The following FIRRM variants were observed in gnomAD, a reference collection of about 807,000 sequenced individuals.
The protein encoded by FIRRM is FIGNL1 interacting regulator of recombination and mitosis.
chr1:169,819,324 C>T, the FIRRM span, among the ~76,000 whole-genome samples: 1 of 152,194 alleles, frequency 6.6e-6, no homozygotes, highest in South Asian at 2.1e-4. Context: ...TCTAAGTGGC[C>T]AAGAGCATGC....
At chr1:169,810,158 C>G in the FIRRM span, among the ~76,000 whole-genome samples, 3 of 152,166 alleles carry the variant, frequency 2.0e-5, no homozygotes, top group South Asian at 6.2e-4. Flanking sequence ...ATGACTTAAT[C>G]ACTTCCCCAA....
At chr1:169,831,429 T>A in the FIRRM span, among the ~76,000 whole-genome samples, 1 of 152,214 alleles carries the variant, frequency 6.6e-6, no homozygotes, top group Non-Finnish European at 1.5e-5. Flanking sequence ...TTTCTTGGTT[T>A]ACCTTTAAAG....
At chr1:169,803,200 G>A in the FIRRM span, 1 of 1,613,932 alleles carries the variant, frequency 6.2e-7, no homozygotes, top group East Asian at 2.2e-5. Flanking sequence ...GCTCTCACAG[G>A]ATGTGTTCAG....
At chr1:169,789,052 G>C in the FIRRM span, among the ~76,000 whole-genome samples, 3 of 152,162 alleles carry the variant, frequency 2.0e-5, no homozygotes, top group Non-Finnish European at 2.9e-5. Flanking sequence ...TGCAGTAGAG[G>C]AGTCTTACAA....
At chr1:169,809,908 A>G in the FIRRM span, among the ~76,000 whole-genome samples, 3 of 152,208 alleles carry the variant, frequency 2.0e-5, no homozygotes, top group Non-Finnish European at 4.4e-5. Context: ...TTAGGCTGCT[A>G]TAACAAAATC....
At chr1:169,853,148 T>C in the FIRRM span, 2 of 723,260 alleles carry the variant, frequency 2.8e-6, no homozygotes, top group Non-Finnish European at 4.5e-6. Flanking sequence ...AATATTCTTA[T>C]TAAGAACTTT....
chr1:169,828,881 C>A, the FIRRM span, among the ~76,000 whole-genome samples: 2 of 150,960 alleles, frequency 1.3e-5, no homozygotes, highest in East Asian at 3.9e-4. Context: ...TGTTTAAATC[C>A]TCTAAGTTTC....
the FIRRM span, chr1:169,823,270 AAAAG>A: frequency 8.1e-6 from 4 of 495,982 alleles, no homozygotes; most frequent in South Asian, 7.0e-5. Context: ...AAAAGAAAAG[AAAAG>A]AAAGAAAAAC....
At chr1:169,850,461 C>T in the FIRRM span, 1 of 707,010 alleles carries the variant, frequency 1.4e-6, no homozygotes, top group Non-Finnish European at 2.4e-6. Context: ...CAGTGCTGAG[C>T]ACAGTGCTGA....
At chr1:169,804,128 G>C in the FIRRM span, 1 of 1,580,586 alleles carries the variant, frequency 6.3e-7, no homozygotes. Context: ...ACCTTCTCCA[G>C]GCTCTTTTCA....
chr1:169,830,046 T>G, the FIRRM span, among the ~76,000 whole-genome samples: 1 of 152,142 alleles, frequency 6.6e-6, no homozygotes, highest in African/African-American at 2.4e-5. Context: ...GAACTCTCCA[T>G]AGCACAGCAC....
the FIRRM span, chr1:169,823,509 A>G: frequency 3.7e-6 from 5 of 1,365,172 alleles, no homozygotes; most frequent in African/African-American, 1.4e-5. Context: ...AGATACAACA[A>G]TGCCATCTGT....
At chr1:169,794,380 AC>A in the FIRRM span, among the ~76,000 whole-genome samples, 1 of 152,088 alleles carries the variant, frequency 6.6e-6, no homozygotes, top group Non-Finnish European at 1.5e-5. Flanking sequence ...CCAAGACTTC[AC>A]TCCAAACATT....
the FIRRM span, among the ~76,000 whole-genome samples, chr1:169,829,020 A>G: frequency 2.0e-5 from 3 of 152,226 alleles, no homozygotes; most frequent in East Asian, 3.8e-4. Context: ...ACTCAGTACC[A>G]AGATAAACAG....
chr1:169,793,574 C>T, the FIRRM span: 1 of 1,614,182 alleles, frequency 6.2e-7, no homozygotes, highest in Non-Finnish European at 8.5e-7. Context: ...CCTCTCTTCT[C>T]CTTTTTGACT....
the FIRRM span, chr1:169,793,276 G>A: frequency 1.2e-6 from 2 of 1,614,082 alleles, no homozygotes; most frequent in South Asian, 2.2e-5. Flanking sequence ...CTCCAGGGAA[G>A]TTCTCTTTCA....
chr1:169,793,342 T>A, the FIRRM span: 1 of 1,614,248 alleles, frequency 6.2e-7, no homozygotes, highest in Non-Finnish European at 8.5e-7. Context: ...GTAATGTTTC[T>A]ATGACTTTAT....
the FIRRM span, among the ~76,000 whole-genome samples, chr1:169,817,249 G>A: frequency 6.6e-6 from 1 of 152,152 alleles, no homozygotes; most frequent in African/African-American, 2.4e-5. Flanking sequence ...CTATTTTAAT[G>A]TCACAATTGC....
chr1:169,840,511 C>CTTTTTTTTTTTT, the FIRRM span, among the ~76,000 whole-genome samples: 3 of 141,594 alleles, frequency 2.1e-5, no homozygotes, highest in Non-Finnish European at 3.1e-5. Context: ...TTTCTTTTTT[C>CTTTTTTTTTTTT]TTTTTTTTTT....
Sources: gnomAD v4.1 joint callset for allele counts (sites outside exome capture counted in the v4.1 genomes callset) on GRCh38, gnomAD v4.1.1 for gene constraint, MANE v1.5 for transcripts, NCBI Gene and HGNC (gene_info 2026-07-23, HGNC 2026-07-21) for gene names.